Variants in GABRB2 observed in about 807,000 individuals in gnomAD.
GABRB2 encodes the protein gamma-aminobutyric acid receptor subunit beta-2.
A neutral mutation model predicts 54.7 loss-of-function variants in GABRB2; 16 were observed. The observed-to-expected ratio is 0.29, with a 90% confidence interval of 0.20 to 0.44. The LOEUF is 0.44. Ranked by LOEUF, GABRB2 falls within the 20% of genes least tolerant of loss-of-function variation. The pLI, the probability that GABRB2 is intolerant of heterozygous loss-of-function variation, is 1.00. For synonymous variants in GABRB2, 244 were observed against 233.8 expected (o/e 1.04, Z -0.40); for missense variants, 355 against 644.0 (o/e 0.55, Z 4.86).
At chr5:161,450,319 G>A (rs187070783) in intron 4 of GABRB2, among the ~76,000 whole-genome samples, 2 of 151,830 alleles carry the variant, frequency 1.3e-5, no homozygotes, top group Admixed American at 6.6e-5. Context: ...GAACATGATG[G>A]GTCAGAAATA....
chr5:161,393,445 T>A (rs1328940126), intron 5 of GABRB2, among the ~76,000 whole-genome samples: 10 of 149,364 alleles, frequency 6.7e-5, no homozygotes, highest in Admixed American at 5.4e-4. Context: ...AACATTCTCA[T>A]CCAACTAAAA....
intron 4 of GABRB2, among the ~76,000 whole-genome samples, chr5:161,449,670 G>GA (rs1474015650): frequency 4.6e-5 from 7 of 152,076 alleles, no homozygotes; most frequent in Non-Finnish European, 1.0e-4. Flanking sequence ...TAAGACAAAT[G>GA]AAAAAACCGT....
At chr5:161,412,857 T>C (rs1004057913) in intron 4 of GABRB2, among the ~76,000 whole-genome samples, 10 of 152,322 alleles carry the variant, frequency 6.6e-5, no homozygotes, top group Non-Finnish European at 1.5e-4. Context: ...TATCTTTCTG[T>C]TTATTTCCTT....
In GABRB2 at chr5:161,358,103, G is replaced by T. The variant is rs145255993; in HGVS notation, c.542-21334C>A. Among the ~76,000 whole-genome samples, 705 of 152,252 alleles carry T rather than the reference G, an allele frequency of 4.6e-3. 6 individuals are homozygous for T. Among genetic ancestry groups the T allele is most frequent in the African/African-American group, 0.016 (674 of 41,550 alleles). Reference sequence around the variant, plus strand: ...CTGATGTCTTGTATTAAGAATTCAGGTTGATGAAAAGGAAACCACAAAGAA... The same window carrying T: ...CTGATGTCTTGTATTAAGAATTCAGTTTGATGAAAAGGAAACCACAAAGAA... On this transcript the variant is annotated intron_variant, in intron 5 of 9. Transcript: ENST00000393959.
rs1471110159 is a variant in GABRB2, at chr5:161,293,644, T to C, written c.*437A>G. ...TCATAGATCATCTTCAAGTAATGTG[T>C]TTGCATGGCATTACAGATAATGTTT... On this transcript the variant is annotated 3_prime_UTR_variant, in exon 10 of 10. Transcript: ENST00000393959. 1 of 159,814 alleles carries C rather than the reference T, an allele frequency of 6.3e-6. No individual in the cohort carries two copies. The highest frequency in any genetic ancestry group is 1.4e-5 in the Non-Finnish European group (1 of 72,500). The allele number at this position is 159,814 out of a possible 1,614,324, so 9.9% of individuals were successfully genotyped here. A position where few individuals can be genotyped will look rare whatever the true frequency, so the allele number is the denominator to read the frequency against.
At chr5:161,468,246 T>G (rs916364817) in intron 3 of GABRB2, among the ~76,000 whole-genome samples, 5 of 152,084 alleles carry the variant, frequency 3.3e-5, no homozygotes, top group African/African-American at 1.2e-4. Flanking sequence ...TAGAATAAAA[T>G]CCAAGCTTAT....
At chr5:161,374,835 C>T (rs1755241002) in intron 5 of GABRB2, among the ~76,000 whole-genome samples, 1 of 152,090 alleles carries the variant, frequency 6.6e-6, no homozygotes, top group African/African-American at 2.4e-5. Flanking sequence ...TATCTGCTTC[C>T]TCTATTACAG....
intron 4 of GABRB2, among the ~76,000 whole-genome samples, chr5:161,424,334 A>G (rs1177870443): frequency 6.6e-6 from 1 of 152,142 alleles, no homozygotes; most frequent in African/African-American, 2.4e-5. Flanking sequence ...CCTCGATTCA[A>G]AGCTTGAAAG....
At chr5:161,421,180 G>T (rs1434428521) in intron 4 of GABRB2, among the ~76,000 whole-genome samples, 1 of 152,190 alleles carries the variant, frequency 6.6e-6, no homozygotes, top group African/African-American at 2.4e-5. Context: ...CTAGTGTTGG[G>T]TTTTCCAGAA....
chr5:161,468,344 A>T (rs1272345422), intron 3 of GABRB2, among the ~76,000 whole-genome samples: 1 of 151,784 alleles, frequency 6.6e-6, no homozygotes, highest in African/African-American at 2.4e-5. Flanking sequence ...CCTGAACTCC[A>T]CTCACTAAGC....
At chr5:161,499,572 A>G (rs549841079) in intron 3 of GABRB2, among the ~76,000 whole-genome samples, 1 of 152,350 alleles carries the variant, frequency 6.6e-6, no homozygotes, top group African/African-American at 2.4e-5. Flanking sequence ...GATATCACCA[A>G]TACCATACTT....
At chr5:161,533,425 G>A (rs1395572894) in intron 3 of GABRB2, among the ~76,000 whole-genome samples, 1 of 151,990 alleles carries the variant, frequency 6.6e-6, no homozygotes, top group East Asian at 1.9e-4. Context: ...AAATGTAATT[G>A]ATTTTGGAAA....
chr5:161,543,075 T>C (rs1362419614), intron 3 of GABRB2, among the ~76,000 whole-genome samples: 4 of 152,234 alleles, frequency 2.6e-5, no homozygotes, highest in African/African-American at 4.8e-5. Flanking sequence ...GGGTGTAGCA[T>C]AAGGCTAAGT....
chr5:161,531,891 C>G (rs562442718), intron 3 of GABRB2, among the ~76,000 whole-genome samples: 5 of 152,174 alleles, frequency 3.3e-5, no homozygotes, highest in Non-Finnish European at 2.9e-5. Flanking sequence ...TATTGAGTCT[C>G]CATTCTCAAC....
At chr5:161,520,585 T>G (rs1214878362) in intron 3 of GABRB2, among the ~76,000 whole-genome samples, 1 of 152,066 alleles carries the variant, frequency 6.6e-6, no homozygotes, top group Admixed American at 6.6e-5. Context: ...TTCAAGAGAT[T>G]TATTTACCTC....
chr5:161,533,626 T>C (rs962279128), intron 3 of GABRB2, among the ~76,000 whole-genome samples: 2 of 152,134 alleles, frequency 1.3e-5, no homozygotes, highest in African/African-American at 4.8e-5. Context: ...TCAAATAATC[T>C]ATAGCAGAAA....
At chr5:161,359,569 T>C (rs1754741374) in intron 5 of GABRB2, among the ~76,000 whole-genome samples, 1 of 152,090 alleles carries the variant, frequency 6.6e-6, no homozygotes, top group Non-Finnish European at 1.5e-5. Flanking sequence ...TTGGTGATGA[T>C]AATACATGAT....
At chr5:161,299,055 C>CA (rs1757463241) in intron 9 of GABRB2, among the ~76,000 whole-genome samples, 3 of 152,070 alleles carry the variant, frequency 2.0e-5, no homozygotes, top group Non-Finnish European at 4.4e-5. Flanking sequence ...ATGGTAGGGG[C>CA]AGTCAACTGG....
intron 3 of GABRB2, among the ~76,000 whole-genome samples, chr5:161,540,936 AC>A (rs577349665): frequency 2.6e-5 from 4 of 152,108 alleles, no homozygotes; most frequent in Admixed American, 2.6e-4. Context: ...AACCTTTGCC[AC>A]CCAGGTTCGA....
Sources: allele counts gnomAD v4.1 joint callset (sites outside exome capture counted in the v4.1 genomes callset), GRCh38; gene constraint gnomAD v4.1.1; transcripts MANE v1.5; gene names NCBI Gene and HGNC (gene_info 2026-07-23, HGNC 2026-07-21).